EPHA3: variants seen among roughly 807,000 people sequenced by gnomAD.
EPHA3 encodes ephrin type-A receptor 3.
In EPHA3, 42 loss-of-function variants were observed where a neutral mutation model predicts 107.1. The observed-to-expected ratio is 0.39, with a 90% CI of 0.31 to 0.51. EPHA3 has a LOEUF of 0.51. Among genes scored for constraint, EPHA3 ranks in the 20% least tolerant of loss-of-function variants. The probability of loss-of-function intolerance (pLI) is 0.78; values close to 1 mark genes in which losing one functional copy is unlikely to be tolerated. For synonymous variants in EPHA3, 461 were observed against 424.8 expected, an observed-to-expected ratio of 1.09 and a Z score of -1.05; for missense variants, 1,183 against 1,211.2, an observed-to-expected ratio of 0.98 and a Z score of 0.35.
intron 3 of EPHA3, among the ~76,000 whole-genome samples, chr3:89,239,656 G>A (rs1237345537): frequency 3.3e-5 from 5 of 152,100 alleles, no homozygotes; most frequent in African/African-American, 1.2e-4. Flanking sequence ...ACACATCACA[G>A]ACATTTATCA....
At chr3:89,475,063 C>A (rs1710480393) in intron 16 of EPHA3, among the ~76,000 whole-genome samples, 3 of 152,144 alleles carry the variant, frequency 2.0e-5, no homozygotes, top group Admixed American at 2.0e-4. Flanking sequence ...CCCTAACACT[C>A]CTTCTTGAAA....
At chr3:89,241,989 G>T (rs1704907023) in intron 3 of EPHA3, among the ~76,000 whole-genome samples, 1 of 152,166 alleles carries the variant, frequency 6.6e-6, no homozygotes, top group Admixed American at 6.5e-5. Context: ...ATACTTCTCT[G>T]CATCAGAAAA....
chr3:89,132,603 C>T (rs1704229941), intron 2 of EPHA3, among the ~76,000 whole-genome samples: 1 of 152,158 alleles, frequency 6.6e-6, no homozygotes, highest in African/African-American at 2.4e-5. Context: ...GACCAGGTGG[C>T]TCATACCTGT....
At chr3:89,278,699 C>A (rs1314909876) in intron 3 of EPHA3, among the ~76,000 whole-genome samples, 1 of 152,128 alleles carries the variant, frequency 6.6e-6, no homozygotes, top group Non-Finnish European at 1.5e-5. Flanking sequence ...ATTTTCAGAT[C>A]TTGATAAACC....
chr3:89,368,607 G>A lies in EPHA3; in HGVS notation c.1306+26517G>A, dbSNP rs568325750. ...TTCTTAGAATTAGCAGACCCAAGAA[G>A]CTGGATCTTCAATATCTGAGGTCAG... On this transcript the variant is annotated intron_variant, in intron 5 of 16. Transcript: ENST00000336596. Among the ~76,000 whole-genome samples, 232 of 150,508 alleles carry A rather than the reference G, an allele frequency of 1.5e-3. 9 individuals are homozygous for A. The highest frequency in any genetic ancestry group is 4.9e-4 in the Non-Finnish European group (33 of 67,104).
chr3:89,191,426 C>A (rs1705714910), intron 2 of EPHA3, among the ~76,000 whole-genome samples: 1 of 152,122 alleles, frequency 6.6e-6, no homozygotes, highest in South Asian at 2.1e-4. Flanking sequence ...CCTGCCTCAG[C>A]CTCCCGAGTA....
Position 89,450,358 on chromosome 3 carries a change from G to A in EPHA3, c.2678G>A (p.Ser893Asn), listed in dbSNP as rs2107555514. 6.2e-7 allele frequency: 1 copy of A among 1,612,482 alleles called. No individual in the cohort carries two copies. Among genetic ancestry groups the A allele is most frequent in the South Asian group, 1.1e-5 (1 of 90,760 alleles). ...CCCGGCAGCCTGAAGATCATCACCA[G>A]TGCAGCCGCAAGGTGACACATTCAA... ...RNPGSLKIIT[S>N]AAARPSNLLL... The change falls in exon 15 of 17, where the codon AGT (serine) becomes AAT (asparagine). Residue 893 changes from serine to asparagine, a missense_variant. Physicochemically the swap from Ser to Asn is conservative, Grantham distance 46. Transcript: ENST00000336596.
chr3:89,240,199 T>C (rs114576631), intron 3 of EPHA3, among the ~76,000 whole-genome samples: 1 of 152,340 alleles, frequency 6.6e-6, no homozygotes, highest in South Asian at 2.1e-4. Context: ...AATAATAATA[T>C]AGTCTCAGAT....
rs56081642 is a variant in EPHA3, at chr3:89,413,147, T to C, written c.1769T>C (p.Leu590Pro). 6.2e-7 allele frequency: 1 copy of C among 1,610,958 alleles called. No homozygotes were observed. The highest frequency in any genetic ancestry group is 2.2e-5 in the East Asian group (1 of 44,780). ...TCTTTCTTTCCTCAAACAGTAAAAC[T>C]TCCAGGTCTCAGGACTTATGTTGAC... ...RLHFGNGHLK[L>P]PGLRTYVDPH... The change falls in exon 10 of 17, where the codon CTT becomes CCT. Residue 590 changes from leucine to proline, a missense_variant. By Grantham distance (98) the Leu-to-Pro change is moderately conservative. Coordinates refer to ENST00000336596, the MANE Select transcript of EPHA3 (RefSeq NM_005233.6).
At chr3:89,398,518 T>G (rs935149226) in intron 6 of EPHA3, among the ~76,000 whole-genome samples, 22 of 152,202 alleles carry the variant, frequency 1.4e-4, no homozygotes, top group African/African-American at 5.1e-4. Flanking sequence ...ACAAATACAG[T>G]TAAGCTAAAA....
chr3:89,300,509 T>TG (rs35097484), intron 3 of EPHA3, among the ~76,000 whole-genome samples: 1 of 150,766 alleles, frequency 6.6e-6, no homozygotes, highest in Non-Finnish European at 1.5e-5. Flanking sequence ...AGAGAGAAAA[T>TG]GGGGGGACTG....
At chr3:89,135,122 T>G (rs1226365730) in intron 2 of EPHA3, among the ~76,000 whole-genome samples, 4 of 152,216 alleles carry the variant, frequency 2.6e-5, no homozygotes, top group Admixed American at 2.0e-4. Flanking sequence ...GTGATGAGAA[T>G]GTTCTCAAAT....
Position 89,399,487 on chromosome 3 carries a change from A to T in EPHA3, c.1594+7A>T. On this transcript the variant is annotated splice_region_variant and intron_variant, in intron 7 of 16. Transcript: ENST00000336596. ...TTTGAAACTAGTCCAGACTGTATGT[A>T]TTATTTCAATGCAGTCTAGAGGAGG... The T allele has an allele frequency of 6.2e-7, 1 of 1,613,898 alleles. No homozygotes were observed. Among genetic ancestry groups the T allele is most frequent in the Non-Finnish European group, 8.5e-7 (1 of 1,179,856 alleles).
chr3:89,188,859 T>G (rs7430263), intron 2 of EPHA3, among the ~76,000 whole-genome samples: 2,070 of 152,310 alleles, frequency 0.014, 46 homozygotes, highest in African/African-American at 0.046. Flanking sequence ...CTATCTGTTC[T>G]CTTTTTCCTC....
At chr3:89,370,190 A>G (rs1209063902) in intron 5 of EPHA3, among the ~76,000 whole-genome samples, 1 of 151,066 alleles carries the variant, frequency 6.6e-6, no homozygotes, top group African/African-American at 2.4e-5. Flanking sequence ...TCATGCTGCT[A>G]TAAAGACACA....
chr3:89,400,076 C>T (rs1708927541), intron 7 of EPHA3: 2 of 1,019,978 alleles, frequency 2.0e-6, no homozygotes, highest in Non-Finnish European at 2.4e-6. Flanking sequence ...TTTCTTCATA[C>T]TTAAAAAAGC....
intron 3 of EPHA3, among the ~76,000 whole-genome samples, chr3:89,281,230 GC>G (rs1705941356): frequency 6.6e-6 from 1 of 152,028 alleles, no homozygotes; most frequent in East Asian, 1.9e-4. Flanking sequence ...TCACTGTGTT[GC>G]CCAGGCTGGT....
intron 3 of EPHA3, among the ~76,000 whole-genome samples, chr3:89,254,505 T>C (rs1196753114): frequency 6.6e-6 from 1 of 152,158 alleles, no homozygotes; most frequent in African/African-American, 2.4e-5. Flanking sequence ...CCACATCCTA[T>C]CTGTGTAAAA....
chr3:89,236,919 A>G (rs1704778670), intron 3 of EPHA3, among the ~76,000 whole-genome samples: 1 of 152,212 alleles, frequency 6.6e-6, no homozygotes, highest in Non-Finnish European at 1.5e-5. Context: ...AGATGCATGT[A>G]GTTGTTATCA....
Sources: allele counts gnomAD v4.1 joint callset (sites outside exome capture counted in the v4.1 genomes callset), GRCh38; gene constraint gnomAD v4.1.1; transcripts MANE v1.5; gene names NCBI Gene and HGNC (gene_info 2026-07-23, HGNC 2026-07-21).